The following NCKAP5 variants were observed in gnomAD, a reference collection of about 807,000 sequenced individuals.
NCKAP5 encodes the protein nck-associated protein 5.
Under a neutral mutation model 167.0 loss-of-function variants are expected in NCKAP5, and 92 were observed. The ratio of observed to expected loss-of-function variants is 0.55; its 90% CI spans 0.47 to 0.66. NCKAP5 has a LOEUF of 0.66. Among genes scored for constraint, NCKAP5 ranks in the 30% least tolerant of loss-of-function variants. NCKAP5 has a pLI of 0.00. For synonymous variants in NCKAP5, 891 were observed against 877.4 expected (o/e 1.02, Z -0.27); for missense variants, 2,378 against 2,315.0 (o/e 1.03, Z -0.56).
intron 10 of NCKAP5, 92 bp from the exon 11 acceptor site, chr2:132,860,703 T>A (rs1029206089): frequency 5.0e-6 from 7 of 1,391,210 alleles, no homozygotes; most frequent in Non-Finnish European, 2.9e-6. Context: ...AGATCATTAG[T>A]AAAAAACGGT....
At chr2:133,416,642 G>A (rs951247794) in intron 3 of NCKAP5, among the ~76,000 whole-genome samples, 13 of 151,154 alleles carry the variant, frequency 8.6e-5, no homozygotes. Context: ...GAAATAATCT[G>A]CTTTGGCATT....
intron 4 of NCKAP5, among the ~76,000 whole-genome samples, chr2:133,260,487 T>A (rs2088846236): frequency 6.6e-6 from 1 of 152,128 alleles, no homozygotes. Context: ...AGATCAAAAT[T>A]CATAGGTGAA....
intron 19 of NCKAP5, among the ~76,000 whole-genome samples, chr2:132,696,764 A>C (rs1687356474): frequency 6.6e-6 from 1 of 152,222 alleles, no homozygotes; most frequent in Admixed American, 6.5e-5. Flanking sequence ...CACAGTTTAC[A>C]TCTTTTTAAA....
chr2:133,626,334 C>A, the NCKAP5 span, among the ~76,000 whole-genome samples: 3 of 151,972 alleles, frequency 2.0e-5, no homozygotes, highest in African/African-American at 7.3e-5. Context: ...ATCTAAATAC[C>A]AAGTTACAGG....
intron 3 of NCKAP5, among the ~76,000 whole-genome samples, chr2:133,439,602 T>G (rs1574957823): frequency 6.6e-6 from 1 of 152,218 alleles, no homozygotes; most frequent in East Asian, 1.9e-4. Context: ...AACATACAAA[T>G]GTACATATGA....
chr2:133,388,320 G>T (rs540074746), intron 3 of NCKAP5, among the ~76,000 whole-genome samples: 1 of 152,198 alleles, frequency 6.6e-6, no homozygotes, highest in South Asian at 2.1e-4. Flanking sequence ...CAGACTGTTT[G>T]CCTGGGTATC....
the NCKAP5 span, among the ~76,000 whole-genome samples, chr2:133,617,961 G>T: frequency 6.6e-6 from 1 of 152,054 alleles, no homozygotes; most frequent in Non-Finnish European, 1.5e-5. Flanking sequence ...CAGAGATATA[G>T]ATCAATGGAA....
chr2:133,441,574 CAG>C (rs889624161), intron 3 of NCKAP5, among the ~76,000 whole-genome samples: 2 of 152,152 alleles, frequency 1.3e-5, no homozygotes, highest in African/African-American at 4.8e-5. Context: ...TGTGAATTTG[CAG>C]AGTTTTCAAA....
intron 19 of NCKAP5, among the ~76,000 whole-genome samples, chr2:132,703,764 A>G (rs971614191): frequency 2.0e-5 from 3 of 152,242 alleles, no homozygotes; most frequent in Admixed American, 6.5e-5. Context: ...TAGGTTGTAG[A>G]GATTACCAAG....
At chr2:133,605,584 T>C in the NCKAP5 span, among the ~76,000 whole-genome samples, 186 of 152,340 alleles carry the variant, frequency 1.2e-3, 2 homozygotes, top group African/African-American at 4.1e-3. Context: ...GAATTAGTCA[T>C]ACAGTTGTGT....
intron 6 of NCKAP5, among the ~76,000 whole-genome samples, chr2:132,995,193 CAAT>C (rs1270476529): frequency 6.6e-6 from 1 of 152,038 alleles, no homozygotes; most frequent in Non-Finnish European, 1.5e-5. Context: ...TTTCTTTCTT[CAAT>C]AATAAACCTT....
chr2:133,584,161 A>T, the NCKAP5 span, among the ~76,000 whole-genome samples: 3 of 152,234 alleles, frequency 2.0e-5, no homozygotes, highest in Non-Finnish European at 4.4e-5. Flanking sequence ...TGTGGTTTCC[A>T]TATTCCTAGG....
chr2:133,108,941 T>C (rs939360268), intron 6 of NCKAP5, among the ~76,000 whole-genome samples: 4 of 152,242 alleles, frequency 2.6e-5, no homozygotes, highest in African/African-American at 4.8e-5. Context: ...CTTACACTGT[T>C]GGAAATTTAG....
At chr2:133,518,343 G>GGT (rs1684184045) in intron 2 of NCKAP5, among the ~76,000 whole-genome samples, 1 of 66,224 alleles carries the variant, frequency 1.5e-5, no homozygotes, top group African/African-American at 4.7e-5. Flanking sequence ...TACAGTAAAG[G>GGT]ATTTTTTTTT....
intron 7 of NCKAP5, among the ~76,000 whole-genome samples, chr2:132,990,371 G>C (rs535049826): frequency 9.2e-5 from 14 of 152,300 alleles, no homozygotes; most frequent in African/African-American, 3.4e-4. Context: ...CCTGTGTCAG[G>C]CATCTTTGCA....
At chr2:133,210,570 A>G (rs1308715484) in intron 5 of NCKAP5, among the ~76,000 whole-genome samples, 1 of 152,222 alleles carries the variant, frequency 6.6e-6, no homozygotes, top group Non-Finnish European at 1.5e-5. Context: ...AAACCTTGTA[A>G]CAGCAATAAT....
At chr2:132,765,997 G>A (rs1437492231) in intron 16 of NCKAP5, among the ~76,000 whole-genome samples, 1 of 151,974 alleles carries the variant, frequency 6.6e-6, no homozygotes, top group Non-Finnish European at 1.5e-5. Flanking sequence ...CATGAGGAAT[G>A]TAGGCTGGGC....
rs1016613768 is a variant in NCKAP5, at chr2:132,963,759, T to G, written c.540A>C (p.Glu180Asp). The G allele has an allele frequency of 1.1e-5, 18 of 1,613,872 alleles. No homozygotes were observed. Among genetic ancestry groups the G allele is most frequent in the Admixed American group, 1.0e-4 (6 of 59,996 alleles). Residue 180 changes from glutamate to aspartate, a missense_variant, in exon 8 of 20, where the codon GAA becomes GAC. Physicochemically the swap from Glu to Asp is conservative, Grantham distance 45. Transcript: ENST00000409261. ...ATCTCTCTAATAGCAATTTGGTCTT[T>G]TCTTTTCCCTCATCTGTACTGCTGC... is the stretch of plus-strand genomic sequence containing the variant. ...SESSSTDEGKEKTKLLLERLK... is the reference protein window; with the variant it reads ...SESSSTDEGKDKTKLLLERLK...
chr2:133,200,063 T>TTTTTTC (rs1241711872), intron 5 of NCKAP5, among the ~76,000 whole-genome samples: 33 of 142,448 alleles, frequency 2.3e-4, no homozygotes, highest in Non-Finnish European at 4.3e-4. Flanking sequence ...TTTTCTTTCT[T>TTTTTTC]TTTTTTTTTT....
Sources: gnomAD v4.1 joint callset for allele counts (sites outside exome capture counted in the v4.1 genomes callset) on GRCh38, gnomAD v4.1.1 for gene constraint, MANE v1.5 for transcripts, NCBI Gene and HGNC (gene_info 2026-07-23, HGNC 2026-07-21) for gene names.